Variants in RORA observed in about 807,000 individuals in gnomAD.
RORA encodes the protein RAR related orphan receptor A, also known as nuclear receptor ROR-alpha.
A neutral mutation model predicts 69.5 loss-of-function variants in RORA; 7 were observed. The observed-to-expected ratio is 0.10, with a 90% CI of 0.06 to 0.19. The LOEUF (loss-of-function observed/expected upper bound fraction) is 0.19, where lower values mean the gene tolerates loss of function less well. Ranked by LOEUF, RORA falls within the 10% of genes least tolerant of loss-of-function variation. The pLI is 1.00. For missense variants in RORA, 457 were observed against 663.0 expected (o/e 0.69, Z 3.41); for synonymous variants, 261 against 240.8 (o/e 1.08, Z -0.78).
In RORA at chr15:60,693,106, T is replaced by C. The variant is rs546401036; in HGVS notation, c.167-14420A>G. 5.9e-5 allele frequency among the ~76,000 whole-genome samples: 9 copies of C among 152,212 alleles called. No homozygotes were observed. In the East Asian group the frequency reaches 1.7e-3, roughly 29 times the overall value. On this transcript the variant is annotated intron_variant, in intron 1 of 10. Transcript: ENST00000335670. ...ACATCAAAAAACAAATCCACCATGA[T>C]CAAATTGGCTTCATCCCCGGGATGC... is the stretch of plus-strand genomic sequence containing the variant.
chr15:60,655,814 A>C (rs2070213218), intron 2 of RORA, among the ~76,000 whole-genome samples: 1 of 152,166 alleles, frequency 6.6e-6, no homozygotes, highest in African/African-American at 2.4e-5. Flanking sequence ...GGGACTGCAG[A>C]CCATAGCAAC....
chr15:60,818,695 C>T (rs1453739379), intron 1 of RORA, among the ~76,000 whole-genome samples: 1 of 152,174 alleles, frequency 6.6e-6, no homozygotes, highest in African/African-American at 2.4e-5. Context: ...AGAGTGGATT[C>T]TTGCTTTTGC....
chr15:60,674,798 C>T (rs1422001753), intron 2 of RORA, among the ~76,000 whole-genome samples: 1 of 152,144 alleles, frequency 6.6e-6, no homozygotes, highest in African/African-American at 2.4e-5. Flanking sequence ...TAAACTGACA[C>T]ATTTTCCTGA....
chr15:60,863,835 C>G (rs1243324092), intron 1 of RORA, among the ~76,000 whole-genome samples: 2 of 149,686 alleles, frequency 1.3e-5, no homozygotes, highest in Admixed American at 6.7e-5. Flanking sequence ...GAGACAGAGT[C>G]TCGCTCTGTC....
intron 1 of RORA, among the ~76,000 whole-genome samples, chr15:61,223,753 G>C (rs1248037012): frequency 6.6e-6 from 1 of 152,076 alleles, no homozygotes; most frequent in Non-Finnish European, 1.5e-5. Context: ...TATTCAACAA[G>C]TAAAGGACAA....
intron 1 of RORA, among the ~76,000 whole-genome samples, chr15:61,227,072 G>C (rs1394099171): frequency 4.6e-5 from 7 of 152,016 alleles, no homozygotes. Context: ...CACCCTGATC[G>C]CTTGCAAGAA....
intron 2 of RORA, among the ~76,000 whole-genome samples, chr15:60,653,327 G>A (rs2070173274): frequency 6.6e-6 from 1 of 151,878 alleles, no homozygotes; most frequent in South Asian, 2.1e-4. Flanking sequence ...GTGTGTGTGT[G>A]TGCGTATTTG....
intron 2 of RORA, among the ~76,000 whole-genome samples, chr15:60,536,649 C>G (rs1403005101): frequency 6.6e-6 from 1 of 152,264 alleles, no homozygotes; most frequent in Non-Finnish European, 1.5e-5. Context: ...ATATCGTTCA[C>G]TCTAGCTCAA....
intron 1 of RORA, among the ~76,000 whole-genome samples, chr15:61,122,206 A>G (rs940185603): frequency 3.9e-5 from 6 of 152,174 alleles, no homozygotes; most frequent in Non-Finnish European, 8.8e-5. Flanking sequence ...AAAGTTCGGG[A>G]AGACATTATT....
At chr15:61,222,433 T>A (rs185562647) in intron 1 of RORA, among the ~76,000 whole-genome samples, 8 of 152,334 alleles carry the variant, frequency 5.3e-5, no homozygotes, top group Admixed American at 1.3e-4. Flanking sequence ...AGCATTAGCA[T>A]GTAAGAGCTG....
intron 1 of RORA, among the ~76,000 whole-genome samples, chr15:60,696,691 C>T (rs960695020): frequency 6.6e-6 from 1 of 152,138 alleles, no homozygotes; most frequent in African/African-American, 2.4e-5. Context: ...TTTATATGAC[C>T]CTTGCTTGCT....
chr15:60,908,861 ATTT>A (rs1286382364), intron 1 of RORA, among the ~76,000 whole-genome samples: 2 of 151,504 alleles, frequency 1.3e-5, no homozygotes, highest in African/African-American at 4.9e-5. Flanking sequence ...CTTTTACTTT[ATTT>A]TTATTTCATT....
intron 6 of RORA, 122 bp downstream of exon 6, chr15:60,505,386 T>A: frequency 9.7e-7 from 1 of 1,027,416 alleles, no homozygotes. Context: ...AAAAAAGATA[T>A]TTAAACAGAA....
intron 2 of RORA, among the ~76,000 whole-genome samples, chr15:60,654,853 G>T (rs536180212): frequency 1.2e-4 from 18 of 152,318 alleles, no homozygotes; most frequent in African/African-American, 3.6e-4. Flanking sequence ...TGGAAGTCGG[G>T]AAGCAGATAT....
chr15:60,776,202 G>A (rs531713509), intron 1 of RORA, among the ~76,000 whole-genome samples: 10 of 151,844 alleles, frequency 6.6e-5, no homozygotes, highest in East Asian at 5.8e-4. Flanking sequence ...AGCAGGCCTC[G>A]TCCCAACTCC....
At chr15:60,898,720 G>A (rs1322558763) in intron 1 of RORA, among the ~76,000 whole-genome samples, 1 of 151,840 alleles carries the variant, frequency 6.6e-6, no homozygotes, top group African/African-American at 2.4e-5. Context: ...GAGAAATGGA[G>A]GCAGGAAAGG....
intron 2 of RORA, among the ~76,000 whole-genome samples, chr15:60,573,831 C>G (rs1262850860): frequency 6.6e-6 from 1 of 152,212 alleles, no homozygotes; most frequent in South Asian, 2.1e-4. Flanking sequence ...TTCCTCTGCT[C>G]TAGCATTTAC....
intron 1 of RORA, 61 bp from the exon 2 acceptor site, chr15:60,678,747 T>C (rs551476092): frequency 7.1e-7 from 1 of 1,400,928 alleles, no homozygotes; most frequent in East Asian, 2.3e-5. Flanking sequence ...GCTTTGAATG[T>C]CCGTCATTCC....
chr15:60,764,422 T>A (rs942913627), intron 1 of RORA, among the ~76,000 whole-genome samples: 5 of 152,130 alleles, frequency 3.3e-5, no homozygotes, highest in Admixed American at 6.5e-5. Flanking sequence ...AGCTCGAAAA[T>A]TTTAATATTC....
Sources: allele counts gnomAD v4.1 joint callset (sites outside exome capture counted in the v4.1 genomes callset), GRCh38; gene constraint gnomAD v4.1.1; transcripts MANE v1.5; gene names NCBI Gene and HGNC (gene_info 2026-07-23, HGNC 2026-07-21).